The following ZFAND3 variants were observed in gnomAD, a reference collection of about 807,000 sequenced individuals.
The protein encoded by ZFAND3 is AN1-type zinc finger protein 3.
A neutral mutation model predicts 29.6 loss-of-function variants in ZFAND3; 10 were observed. The ratio of observed to expected loss-of-function variants is 0.34; its 90% confidence interval spans 0.21 to 0.57. The LOEUF (loss-of-function observed/expected upper bound fraction) is 0.57, where lower values mean the gene tolerates loss of function less well. Among genes scored for constraint, ZFAND3 ranks in the 20% least tolerant of loss-of-function variants. The probability of loss-of-function intolerance (pLI) is 0.86; values close to 1 mark genes in which losing one functional copy is unlikely to be tolerated. For synonymous variants in ZFAND3, 128 were observed against 112.6 expected, an observed-to-expected ratio of 1.14 and a Z score of -0.87; for missense variants, 230 against 304.5, an observed-to-expected ratio of 0.76 and a Z score of 1.82.
At chr6:37,999,551 G>T (rs1581826833) in intron 2 of ZFAND3, among the ~76,000 whole-genome samples, 1 of 152,156 alleles carries the variant, frequency 6.6e-6, no homozygotes, top group Admixed American at 6.6e-5. Context: ...CCTTGATATG[G>T]TGTGATGAGA....
At chr6:37,878,619 C>T (rs1764837256) in intron 1 of ZFAND3, among the ~76,000 whole-genome samples, 1 of 152,222 alleles carries the variant, frequency 6.6e-6, no homozygotes, top group Non-Finnish European at 1.5e-5. Context: ...CAGCTACAGC[C>T]TCCTCCTCTG....
At chr6:37,864,087 A>G (rs1764541884) in intron 1 of ZFAND3, among the ~76,000 whole-genome samples, 1 of 152,190 alleles carries the variant, frequency 6.6e-6, no homozygotes. Context: ...CTTATGTTTA[A>G]TGAACATAAA....
chr6:38,067,605 C>T (rs1764372055), intron 3 of ZFAND3, among the ~76,000 whole-genome samples: 1 of 152,198 alleles, frequency 6.6e-6, no homozygotes, highest in African/African-American at 2.4e-5. Context: ...ATTTACTGTT[C>T]TCCCAGTTTT....
rs10573359 is a variant in ZFAND3, at chr6:37,974,402, CT to C, written c.112+44422del. 9.1e-3 allele frequency among the ~76,000 whole-genome samples: 280 copies of C among 30,786 alleles called. 4 individuals are homozygous for C. The South Asian group carries it at 0.13, about 14-fold the overall frequency. 20.2% of individuals were successfully genotyped at this position (30,786 alleles called of 152,430 possible). On this transcript the variant is annotated intron_variant, in intron 2 of 5. Transcript: ENST00000287218. ...TTATATACTCTCTCTCTCTCTCTCT[CT>C]TTTTTTTTTTTTTTTTTTGGAGACA... is the stretch of plus-strand genomic sequence containing the variant.
At chr6:37,824,745 A>G (rs952846123) in intron 1 of ZFAND3, among the ~76,000 whole-genome samples, 1 of 152,196 alleles carries the variant, frequency 6.6e-6, no homozygotes, top group Admixed American at 6.5e-5. Flanking sequence ...TGACAAAGCA[A>G]ATATCATATG....
In ZFAND3 at chr6:37,836,794, T is replaced by A. The variant is rs147130716; in HGVS notation, c.71+16778T>A. Among the ~76,000 whole-genome samples, 56 of 152,286 alleles carry A rather than the reference T, an allele frequency of 3.7e-4. 1 individual carries two copies. Among genetic ancestry groups the A allele is most frequent in the Admixed American group, 1.5e-3 (23 of 15,294 alleles). On this transcript the variant is annotated intron_variant, in intron 1 of 5. Coordinates refer to ENST00000287218, the MANE Select transcript of ZFAND3 (RefSeq NM_021943.3). ...TATATATGTTTTTAGGGTAATTTTT[T>A]AAAAAACTCTTGAACTTCAACTTCT...
intron 5 of ZFAND3, among the ~76,000 whole-genome samples, chr6:38,117,856 A>C (rs1765452052): frequency 6.6e-6 from 1 of 152,178 alleles, no homozygotes. Context: ...TATCTGCCCT[A>C]TTGGAAATGG....
chr6:37,967,524 G>A (rs1336884679), intron 2 of ZFAND3, among the ~76,000 whole-genome samples: 2 of 152,032 alleles, frequency 1.3e-5, no homozygotes, highest in Admixed American at 6.6e-5. Context: ...TTACCATTGG[G>A]GTGTTGCTAC....
At chr6:37,953,012 GT>G (rs2127421529) in intron 2 of ZFAND3, among the ~76,000 whole-genome samples, 1 of 151,764 alleles carries the variant, frequency 6.6e-6, no homozygotes, top group South Asian at 2.1e-4. Context: ...AACCTGTGGT[GT>G]TTTTATATTT....
chr6:38,075,510 T>C (rs1581895758), intron 3 of ZFAND3, among the ~76,000 whole-genome samples: 1 of 152,212 alleles, frequency 6.6e-6, no homozygotes, highest in Non-Finnish European at 1.5e-5. Flanking sequence ...CTGCTTCATA[T>C]GATTGAGCAA....
chr6:38,134,769 G>A (rs1321394028), intron 5 of ZFAND3, among the ~76,000 whole-genome samples: 3 of 152,198 alleles, frequency 2.0e-5, no homozygotes, highest in Admixed American at 6.5e-5. Context: ...GCCTGGAGAC[G>A]CAGACTAAGA....
chr6:37,940,455 A>G (rs1212777902), intron 2 of ZFAND3, among the ~76,000 whole-genome samples: 4 of 152,226 alleles, frequency 2.6e-5, no homozygotes, highest in African/African-American at 9.6e-5. Context: ...CTTTCATGCT[A>G]TAAAATTTTA....
intron 1 of ZFAND3, among the ~76,000 whole-genome samples, chr6:37,902,564 A>T (rs933037835): frequency 6.6e-6 from 1 of 152,118 alleles, no homozygotes; most frequent in African/African-American, 2.4e-5. Flanking sequence ...AATGTTGTTC[A>T]TATCTTTTCA....
At chr6:37,899,842 T>C (rs1337485199) in intron 1 of ZFAND3, among the ~76,000 whole-genome samples, 1 of 152,224 alleles carries the variant, frequency 6.6e-6, no homozygotes, top group Non-Finnish European at 1.5e-5. Flanking sequence ...GGGCAACCTA[T>C]GTAACCATGG....
chr6:38,135,015 G>C (rs1313296661), intron 5 of ZFAND3, among the ~76,000 whole-genome samples: 1 of 152,204 alleles, frequency 6.6e-6, no homozygotes, highest in Non-Finnish European at 1.5e-5. Flanking sequence ...TGGGTTGTTG[G>C]CTTTCACCTA....
At chr6:37,976,719 A>T (rs777013234) in intron 2 of ZFAND3, among the ~76,000 whole-genome samples, 2 of 152,070 alleles carry the variant, frequency 1.3e-5, no homozygotes, top group Admixed American at 6.5e-5. Flanking sequence ...GGCAAAGGAG[A>T]AGTGAGGCAT....
At chr6:38,049,461 A>G (rs898539435) in intron 2 of ZFAND3, among the ~76,000 whole-genome samples, 1 of 152,226 alleles carries the variant, frequency 6.6e-6, no homozygotes, top group Non-Finnish European at 1.5e-5. Flanking sequence ...TTACACAGCA[A>G]TTAAGAAATA....
chr6:37,827,453 T>C (rs1763780678), intron 1 of ZFAND3, among the ~76,000 whole-genome samples: 1 of 152,208 alleles, frequency 6.6e-6, no homozygotes, highest in South Asian at 2.1e-4. Context: ...TTATGACTTT[T>C]GTGGAGGAAA....
intron 2 of ZFAND3, among the ~76,000 whole-genome samples, chr6:37,955,730 A>T (rs923709050): frequency 6.6e-6 from 1 of 152,192 alleles, no homozygotes; most frequent in African/African-American, 2.4e-5. Context: ...CTGGAGGCAA[A>T]TAGCCTCTTC....
Sources: allele counts gnomAD v4.1 joint callset (sites outside exome capture counted in the v4.1 genomes callset), GRCh38; gene constraint gnomAD v4.1.1; transcripts MANE v1.5; gene names NCBI Gene and HGNC (gene_info 2026-07-23, HGNC 2026-07-21).